ENOX1: variants seen among roughly 807,000 people sequenced by gnomAD.
The protein encoded by ENOX1 is candidate growth-related and time keeping constitutive hydroquinone (NADH) oxidase.
A neutral mutation model predicts 82.5 loss-of-function variants in ENOX1; 42 were observed. That is an observed-to-expected ratio of 0.51 (90% CI 0.40 to 0.66). The LOEUF is 0.66. Ranked by LOEUF, ENOX1 falls within the 30% of genes least tolerant of loss-of-function variation. ENOX1 has a pLI of 0.00. For synonymous variants in ENOX1, 271 were observed against 282.2 expected (o/e 0.96, Z 0.40); for missense variants, 608 against 811.6 (o/e 0.75, Z 3.05).
intron 1 of ENOX1, among the ~76,000 whole-genome samples, chr13:43,727,291 T>C (rs1214811278): frequency 6.6e-6 from 1 of 152,206 alleles, no homozygotes; most frequent in Non-Finnish European, 1.5e-5. Context: ...CATCTTCCTC[T>C]AGACTCAGCA....
chr13:43,503,901 G>A (rs189746817), intron 2 of ENOX1, among the ~76,000 whole-genome samples: 1 of 151,556 alleles, frequency 6.6e-6, no homozygotes, highest in Admixed American at 6.6e-5. Context: ...AAAATGAAAA[G>A]GTAACTTACA....
chr13:43,476,243 C>T (rs1428566355), intron 3 of ENOX1, among the ~76,000 whole-genome samples: 2 of 151,956 alleles, frequency 1.3e-5, no homozygotes, highest in East Asian at 1.9e-4. Context: ...ATAAAACAAG[C>T]CTAAAATCTA....
chr13:43,616,189 T>TCTAGATAGATAGATAG (rs1490011009), intron 2 of ENOX1, among the ~76,000 whole-genome samples: 1 of 12,532 alleles, frequency 8.0e-5, no homozygotes, highest in Admixed American at 1.8e-3. Flanking sequence ...TATCTATCTA[T>TCTAGATAGATAGATAG]ATATATATAT....
chr13:43,717,636 C>CT (rs1435382361), intron 1 of ENOX1, among the ~76,000 whole-genome samples: 4 of 152,114 alleles, frequency 2.6e-5, no homozygotes, highest in African/African-American at 4.8e-5. Context: ...TATTCACAAA[C>CT]TGTGCATCTG....
chr13:43,752,840 A>C (rs1378076164), intron 1 of ENOX1, among the ~76,000 whole-genome samples: 2 of 150,978 alleles, frequency 1.3e-5, no homozygotes, highest in East Asian at 3.9e-4. Flanking sequence ...TGTTTTGGCT[A>C]TTCCAGGTTC....
chr13:43,599,007 C>G (rs963264308), intron 2 of ENOX1, among the ~76,000 whole-genome samples: 2 of 152,072 alleles, frequency 1.3e-5, no homozygotes, highest in East Asian at 3.9e-4. Flanking sequence ...CTAGAATGTT[C>G]GTGAGCTTGG....
chr13:43,281,062 C>A (rs542272457), intron 12 of ENOX1, among the ~76,000 whole-genome samples: 1 of 152,252 alleles, frequency 6.6e-6, no homozygotes, highest in Admixed American at 6.5e-5. Flanking sequence ...CAGGGTCAAG[C>A]CCTGGATAAA....
chr13:43,694,390 A>G (rs749034662), intron 1 of ENOX1, among the ~76,000 whole-genome samples: 7 of 152,156 alleles, frequency 4.6e-5, no homozygotes, highest in Admixed American at 1.3e-4. Flanking sequence ...CATCTCTCCA[A>G]AGTTCCTCTC....
chr13:43,350,245 A>C (rs2049684785), intron 8 of ENOX1, among the ~76,000 whole-genome samples: 1 of 152,220 alleles, frequency 6.6e-6, no homozygotes, highest in East Asian at 1.9e-4. Context: ...GAGTTAAATA[A>C]AATCATTGGC....
intron 2 of ENOX1, among the ~76,000 whole-genome samples, chr13:43,571,665 G>A (rs1213659620): frequency 1.3e-5 from 2 of 152,158 alleles, no homozygotes; most frequent in Non-Finnish European, 2.9e-5. Flanking sequence ...ACTCCAGCCT[G>A]GGCAACAAGA....
At chr13:43,398,135 C>A (rs547842200) in intron 5 of ENOX1, among the ~76,000 whole-genome samples, 1 of 152,326 alleles carries the variant, frequency 6.6e-6, no homozygotes, top group African/African-American at 2.4e-5. Context: ...AGGATTTCAA[C>A]ATATGAATTT....
chr13:43,233,766 A>T lies in ENOX1; in HGVS notation c.1714+2870T>A, dbSNP rs141068598. 6.5e-4 allele frequency among the ~76,000 whole-genome samples: 99 copies of T among 152,308 alleles called. 1 individual carries two copies. The highest frequency in any genetic ancestry group is 2.3e-3 in the African/African-American group (96 of 41,546). On this transcript the variant is annotated intron_variant, in intron 15 of 16. Transcript: ENST00000690772. ...TACAGCATACACTATAAGCATGCAG[A>T]TATGATGAAGATTTTGCCAATTAAT...
rs541865240 is a variant in ENOX1, at chr13:43,261,989, TA to T, written c.1611+3408del. Among the ~76,000 whole-genome samples the T allele has an allele frequency of 3.7e-3, 552 of 147,534 alleles. 2 individuals carry two copies. Among genetic ancestry groups the T allele is most frequent in the East Asian group, 0.013 (66 of 5,084 alleles). On this transcript the variant is annotated intron_variant, in intron 14 of 16. Transcript: ENST00000690772. ...ATGTACCCTAAAACTTAAAGTATAA[TA>T]AAAAAAAAATCATGTCTTTGAGGAA...
intron 2 of ENOX1, among the ~76,000 whole-genome samples, chr13:43,526,777 T>C (rs1235282126): frequency 6.6e-6 from 1 of 152,150 alleles, no homozygotes; most frequent in African/African-American, 2.4e-5. Context: ...AATGGCATGA[T>C]GCAGTGGTTT....
chr13:43,246,127 T>C (rs1348436999), intron 14 of ENOX1, among the ~76,000 whole-genome samples: 1 of 152,228 alleles, frequency 6.6e-6, no homozygotes, highest in African/African-American at 2.4e-5. Context: ...GGAAGTGTTA[T>C]AAGCACTTGA....
intron 5 of ENOX1, chr13:43,394,844 C>T (rs992087567): frequency 4.0e-5 from 6 of 149,080 alleles, no homozygotes; most frequent in Non-Finnish European, 7.4e-5. Context: ...TCCTCCCCTC[C>T]CCACATAATA....
At chr13:43,708,205 G>A (rs1218735378) in intron 1 of ENOX1, among the ~76,000 whole-genome samples, 2 of 152,148 alleles carry the variant, frequency 1.3e-5, no homozygotes, top group East Asian at 1.9e-4. Flanking sequence ...GTCTGGTGAG[G>A]GAAGAATGCC....
intron 1 of ENOX1, among the ~76,000 whole-genome samples, chr13:43,698,574 T>C (rs1038321923): frequency 1.3e-5 from 2 of 152,194 alleles, no homozygotes; most frequent in African/African-American, 4.8e-5. Context: ...AATACTACAA[T>C]TTTAACACAT....
Position 43,701,075 on chromosome 13 carries a change from T to C in ENOX1, c.-284-33531A>G, listed in dbSNP as rs563416307. ...TTTCAATACTGGAGGTACAAAACTG[T>C]AGAGACCTTTAGAGGGTTCCAATTA... On this transcript the variant is annotated intron_variant, in intron 1 of 16. Transcript: ENST00000690772. Among the ~76,000 whole-genome samples, 144 of 152,326 alleles carry C rather than the reference T, an allele frequency of 9.5e-4. 1 individual carries two copies. In the South Asian group the frequency reaches 0.019, roughly 20 times the overall value.
Sources: allele counts gnomAD v4.1 joint callset (sites outside exome capture counted in the v4.1 genomes callset), GRCh38; gene constraint gnomAD v4.1.1; transcripts MANE v1.5; gene names NCBI Gene and HGNC (gene_info 2026-07-23, HGNC 2026-07-21).